Variants in GYPB observed in about 807,000 individuals in gnomAD.
The protein encoded by GYPB is glycophorin B (MNS blood group).
Under a neutral mutation model 15.3 loss-of-function variants are expected in GYPB, and 13 were observed. The ratio of observed to expected loss-of-function variants is 0.85; its 90% CI spans 0.55 to 1.35. The LOEUF (loss-of-function observed/expected upper bound fraction) is 1.35, where lower values mean the gene tolerates loss of function less well. GYPB is among the 40% of genes most tolerant of loss of function. The pLI is 0.00. For missense variants in GYPB, 131 were observed against 108.3 expected, an observed-to-expected ratio of 1.21 and a Z score of -0.93; for synonymous variants, 38 against 36.9, an observed-to-expected ratio of 1.03 and a Z score of -0.11.
At chr4:143,997,907 T>A (rs1488890681) in intron 3 of GYPB, among the ~76,000 whole-genome samples, 1 of 151,322 alleles carries the variant, frequency 6.6e-6, no homozygotes, top group Admixed American at 6.6e-5. Context: ...AGACCCAGCG[T>A]TCTTCACTAG....
At chr4:144,009,299 C>T (rs528027250) in intron 1 of GYPB, among the ~76,000 whole-genome samples, 8 of 151,280 alleles carry the variant, frequency 5.3e-5, no homozygotes, top group Admixed American at 1.3e-4. Context: ...AATCTTTAGT[C>T]TAAAACTTAA....
At chr4:144,001,459 C>T (rs924435431) in intron 1 of GYPB, among the ~76,000 whole-genome samples, 176 bp from the exon 2 acceptor site, 1 of 151,372 alleles carries the variant, frequency 6.6e-6, no homozygotes, top group Admixed American at 6.6e-5. Context: ...GTATTATTGG[C>T]CTTATTTTAA....
intron 3 of GYPB, 140 bp downstream of exon 3, chr4:143,999,271 G>C (rs1320619838): frequency 1.7e-6 from 1 of 589,354 alleles, no homozygotes. Flanking sequence ...TATTTTCTTT[G>C]TCTTTACAAT....
At chr4:143,996,456 C>A (rs1286123660) in intron 4 of GYPB, among the ~76,000 whole-genome samples, 152 bp from the exon 5 acceptor site, 2 of 151,024 alleles carry the variant, frequency 1.3e-5, no homozygotes, top group African/African-American at 5.0e-5. Context: ...TTGCCAAGTT[C>A]TTTTGGTTTT....
chr4:143,996,364 C>G (rs1273692910), intron 4 of GYPB, 60 bp from the exon 5 acceptor site: 1 of 1,549,562 alleles, frequency 6.5e-7, no homozygotes, highest in African/African-American at 1.4e-5. Flanking sequence ...AGCTAAGACT[C>G]CACTTCAGCC....
intron 1 of GYPB, among the ~76,000 whole-genome samples, chr4:144,009,778 T>C (rs1401479805): frequency 1.3e-5 from 2 of 150,218 alleles, no homozygotes; most frequent in East Asian, 3.9e-4. Context: ...CAAGCCCGGC[T>C]AATTTTTTGT....
intron 1 of GYPB, among the ~76,000 whole-genome samples, chr4:144,004,121 C>G (rs1161852256): frequency 6.6e-6 from 1 of 151,744 alleles, no homozygotes; most frequent in Non-Finnish European, 1.5e-5. Context: ...CACTTATGTT[C>G]TTAGAAATAC....
At position 144,002,672 on chromosome 4, in the gene GYPB, C is replaced by T. The variant is rs936279827; in HGVS notation, c.38-1389G>A. The T allele has an allele frequency of 2.3e-6, 3 of 1,286,402 alleles. 1 individual carries two copies. The highest frequency in any genetic ancestry group is 3.1e-5 in the African/African-American group (2 of 64,552). 79.7% of individuals were successfully genotyped at this position (1,286,402 alleles called of 1,614,324 possible). On this transcript the variant is annotated intron_variant, in intron 1 of 4. Coordinates refer to ENST00000502664, the MANE Select transcript of GYPB (RefSeq NM_002100.6). Reference sequence around the variant, plus strand: ...TTCTCAGAGGCAGCCAACTTGGCCCCTCAGCTGAATGCTCAAAGTTTCCTG... The same window carrying T: ...TTCTCAGAGGCAGCCAACTTGGCCCTTCAGCTGAATGCTCAAAGTTTCCTG...
At chr4:144,018,779 G>A (rs1358944732) in intron 1 of GYPB, among the ~76,000 whole-genome samples, 3 of 150,560 alleles carry the variant, frequency 2.0e-5, no homozygotes, top group African/African-American at 7.5e-5. Flanking sequence ...CCACAGAGAA[G>A]CAAACAACTC....
chr4:143,996,436 C>T (rs1727315125), intron 4 of GYPB, 132 bp from the exon 5 acceptor site: 1 of 1,488,160 alleles, frequency 6.7e-7, no homozygotes, highest in Admixed American at 2.1e-5. Context: ...CTAAAGGGTA[C>T]CTAGGGGTGT....
intron 1 of GYPB, among the ~76,000 whole-genome samples, chr4:144,010,691 A>G (rs1000250474): frequency 1.3e-5 from 2 of 151,286 alleles, no homozygotes; most frequent in African/African-American, 4.9e-5. Flanking sequence ...TGCCAGATCA[A>G]TAGCGTATGA....
At chr4:144,007,285 G>A (rs1481712273) in intron 1 of GYPB, among the ~76,000 whole-genome samples, 21 of 151,750 alleles carry the variant, frequency 1.4e-4, no homozygotes, top group African/African-American at 4.9e-4. Flanking sequence ...CCTATTAACT[G>A]GTGCAGTTAG....
chr4:144,002,821 G>A (rs1727698745), intron 1 of GYPB: 1 of 444,726 alleles, frequency 2.2e-6, no homozygotes, highest in Non-Finnish European at 4.1e-6. Flanking sequence ...CCAAATCATG[G>A]AGAAGACATG....
intron 1 of GYPB, among the ~76,000 whole-genome samples, chr4:144,008,180 G>A (rs763424630): frequency 6.6e-6 from 1 of 151,496 alleles, no homozygotes; most frequent in Admixed American, 6.6e-5. Context: ...CCGCCAAGTG[G>A]CAGAACTGGA....
intron 4 of GYPB, 74 bp downstream of exon 4, chr4:143,997,466 G>C: frequency 1.2e-6 from 1 of 820,520 alleles, no homozygotes; most frequent in Non-Finnish European, 2.1e-6. Flanking sequence ...GAGTTTAACT[G>C]AACTCAGAGG....
downstream of GYPB, among the ~76,000 whole-genome samples, chr4:143,995,713 T>C (rs1360475601): frequency 4.6e-5 from 7 of 151,380 alleles, no homozygotes; most frequent in South Asian, 2.1e-4. Flanking sequence ...TCCTGGCAGG[T>C]GAACTATAAT....
intron 1 of GYPB, among the ~76,000 whole-genome samples, chr4:144,009,575 T>C (rs1350857060): frequency 2.0e-5 from 3 of 149,388 alleles, no homozygotes; most frequent in South Asian, 2.1e-4. Flanking sequence ...TTCACATTAT[T>C]ATTATTATTT....
chr4:143,997,135 G>C (rs1425696045), intron 4 of GYPB, among the ~76,000 whole-genome samples: 1 of 151,020 alleles, frequency 6.6e-6, no homozygotes, highest in Non-Finnish European at 1.5e-5. Flanking sequence ...TCAAACTGCT[G>C]AGCTCAAGCA....
At chr4:144,016,914 T>C in intron 1 of GYPB, 1 of 347,124 alleles carries the variant, frequency 2.9e-6, no homozygotes, top group Non-Finnish European at 5.7e-6. Context: ...AAATGTCATC[T>C]ACTCAGAAAA....
Sources: allele counts gnomAD v4.1 joint callset (sites outside exome capture counted in the v4.1 genomes callset), GRCh38; gene constraint gnomAD v4.1.1; transcripts MANE v1.5; gene names NCBI Gene and HGNC (gene_info 2026-07-23, HGNC 2026-07-21).